Variants in SERTAD1 observed in about 807,000 individuals in gnomAD.
SERTAD1 encodes the protein SERTA domain-containing protein 1.
SERTAD1 carries 5 observed loss-of-function variants against 11.7 expected under a neutral mutation model. That is an observed-to-expected ratio of 0.43 (90% CI 0.22 to 0.90). The LOEUF (loss-of-function observed/expected upper bound fraction) is 0.90. Ranked by LOEUF, SERTAD1 falls within the 40% of genes least tolerant of loss-of-function variation. The probability of loss-of-function intolerance (pLI) is 0.27; values close to 1 mark genes in which losing one functional copy is unlikely to be tolerated. For missense variants in SERTAD1, 287 were observed against 313.9 expected (o/e 0.91, Z 0.65); for synonymous variants, 139 against 141.4 (o/e 0.98, Z 0.12).
chr19:40,422,735 C>T lies in SERTAD1; in HGVS notation c.*101G>A. 7.5e-7 allele frequency: 1 copy of T among 1,335,346 alleles called. No homozygotes were observed. Among genetic ancestry groups the T allele is most frequent in the Non-Finnish European group, 1.0e-6 (1 of 1,003,408 alleles). 82.7% of individuals were successfully genotyped at this position (1,335,346 alleles called of 1,614,324 possible). A position where few individuals can be genotyped will look rare whatever the true frequency, so the allele number is the denominator to read the frequency against. ...CTGTCTCTCCAAAGTGGCCCAAGCC[C>T]TGTTCTCTGTACTAGGGAAGCCAGC... On this transcript the variant is annotated 3_prime_UTR_variant, in exon 2 of 2. Coordinates refer to ENST00000357949, the MANE Select transcript of SERTAD1 (RefSeq NM_013376.4).
At chr19:40,424,355 C>T (rs573061060) in intron 1 of SERTAD1, among the ~76,000 whole-genome samples, 6 of 152,122 alleles carry the variant, frequency 3.9e-5, no homozygotes, top group African/African-American at 1.4e-4. Context: ...ATTATTTCTT[C>T]AGTGAACCAT....
At chr19:40,423,929 G>A (rs1017449081) in intron 1 of SERTAD1, among the ~76,000 whole-genome samples, 1 of 152,126 alleles carries the variant, frequency 6.6e-6, no homozygotes, top group Non-Finnish European at 1.5e-5. Flanking sequence ...GTTTCACCAT[G>A]TTGGCCAGGC....
chr19:40,422,835 C>T lies in SERTAD1; in HGVS notation c.*1G>A. ...CCAGACAACCATTCCAGCACGAGGG[C>T]TCAGCGCCCTGGCCCCGGCGGTCGC... is the stretch of plus-strand genomic sequence containing the variant. On this transcript the variant is annotated 3_prime_UTR_variant, in exon 2 of 2. Coordinates refer to ENST00000357949, the MANE Select transcript of SERTAD1 (RefSeq NM_013376.4). The T allele has an allele frequency of 6.3e-7, 1 of 1,592,532 alleles. No homozygotes were observed. The highest frequency in any genetic ancestry group is 8.6e-7 in the Non-Finnish European group (1 of 1,167,872).
In SERTAD1 at chr19:40,422,810, C is replaced by T. The variant is rs778221847; in HGVS notation, c.*26G>A. 3 of 1,561,782 alleles carry T rather than the reference C, an allele frequency of 1.9e-6. No individual in the cohort carries two copies. Among genetic ancestry groups the T allele is most frequent in the Admixed American group, 3.6e-5 (2 of 54,856 alleles). On this transcript the variant is annotated 3_prime_UTR_variant, in exon 2 of 2. Coordinates refer to ENST00000357949, the MANE Select transcript of SERTAD1 (RefSeq NM_013376.4). ...CCAGCCAGCAGGCTCAGTTCAGATACCAGACAACCATTCCAGCACGAGGGC... is the reference window on the plus strand; with the variant it reads ...CCAGCCAGCAGGCTCAGTTCAGATATCAGACAACCATTCCAGCACGAGGGC...
At position 40,423,392 on chromosome 19, in the gene SERTAD1, T is replaced by C; in HGVS notation, c.155A>G (p.Lys52Arg). 1 of 1,613,438 alleles carries C rather than the reference T, an allele frequency of 6.2e-7. No homozygotes were observed. Among genetic ancestry groups the C allele is most frequent in the Non-Finnish European group, 8.5e-7 (1 of 1,180,018 alleles). Reference protein sequence around the residue: ...SSSLFDLSVLKLHHSLQQSEP... With the variant: ...SSSLFDLSVLRLHHSLQQSEP... Reference sequence around the variant, plus strand: ...ACTCTGCTGCAGGCTGTGGTGGAGCTTGAGCACTGAGAGGTCAAAGAGGGA... The same window carrying C: ...ACTCTGCTGCAGGCTGTGGTGGAGCCTGAGCACTGAGAGGTCAAAGAGGGA... The change falls in exon 2 of 2, where the codon AAG becomes AGG. Residue 52 changes from lysine to arginine, a missense_variant. Lys to Arg is a conservative substitution (Grantham distance 26). Coordinates refer to ENST00000357949, the MANE Select transcript of SERTAD1 (RefSeq NM_013376.4).
intron 1 of SERTAD1, among the ~76,000 whole-genome samples, chr19:40,424,348 A>G (rs1477246686): frequency 6.6e-6 from 1 of 152,014 alleles, no homozygotes; most frequent in African/African-American, 2.4e-5. Flanking sequence ...TAACATTATT[A>G]TTTCTTCAGT....
chr19:40,425,960 GA>G lies in SERTAD1; in HGVS notation c.-95del, dbSNP rs1363863172. ...AGCATCGCTTGTTGGCTGTCCTCCG[GA>G]AACCCGCGCCTGGGTCGCGAGACGC... On this transcript the variant is annotated 5_prime_UTR_variant, in exon 1 of 2. Coordinates refer to ENST00000357949, the MANE Select transcript of SERTAD1 (RefSeq NM_013376.4). 5.9e-5 allele frequency: 9 copies of G among 152,266 alleles called. No individual in the cohort carries two copies. Among genetic ancestry groups the G allele is most frequent in the African/African-American group, 1.9e-4 (8 of 41,446 alleles). 9.4% of individuals were successfully genotyped at this position (152,266 alleles called of 1,614,324 possible).
intron 1 of SERTAD1, among the ~76,000 whole-genome samples, chr19:40,424,785 G>A (rs1309326662): frequency 6.6e-6 from 1 of 152,256 alleles, no homozygotes; most frequent in Admixed American, 6.5e-5. Context: ...GGCACACAGA[G>A]AGTGACATGG....
chr19:40,423,141 C>T lies in SERTAD1; in HGVS notation c.406G>A (p.Ala136Thr). Residue 136 changes from alanine to threonine, a missense_variant, in exon 2 of 2, where the codon GCA becomes ACA. Transcript: ENST00000357949. ...EGLSQAPQPL[A>T]DEGPPGRSIG... ...CTACGGCCTGGTGGCCCCTCGTCTG[C>T]CAAGGGTTGGGGAGCCTGACTCAGG... 1 of 1,603,840 alleles carries T rather than the reference C, an allele frequency of 6.2e-7. No homozygotes were observed. Among genetic ancestry groups the T allele is most frequent in the Non-Finnish European group, 8.5e-7 (1 of 1,175,644 alleles).
In SERTAD1 at chr19:40,425,958, C is replaced by CGG. The variant is rs1225462961; in HGVS notation, c.-94_-93dup. 1 of 152,268 alleles carries CGG rather than the reference C, an allele frequency of 6.6e-6. No homozygotes were observed. Among genetic ancestry groups the CGG allele is most frequent in the South Asian group, 2.1e-4 (1 of 4,836 alleles). 9.4% of individuals were successfully genotyped at this position (152,268 alleles called of 1,614,324 possible). A position where few individuals can be genotyped will look rare whatever the true frequency, so the allele number is the denominator to read the frequency against. On this transcript the variant is annotated 5_prime_UTR_variant, in exon 1 of 2. Coordinates refer to ENST00000357949, the MANE Select transcript of SERTAD1 (RefSeq NM_013376.4). ...GCAGCATCGCTTGTTGGCTGTCCTC[C>CGG]GGAAACCCGCGCCTGGGTCGCGAGA... is the stretch of plus-strand genomic sequence containing the variant.
Position 40,423,098 on chromosome 19 carries a change from G to A in SERTAD1, c.449C>T (p.Pro150Leu), listed in dbSNP as rs1480340713. The A allele has an allele frequency of 1.3e-6, 2 of 1,594,846 alleles. No individual in the cohort carries two copies. The highest frequency in any genetic ancestry group is 1.1e-5 in the South Asian group (1 of 88,256). ...PPGRSIGGAA[P>L]SLGALDLLGP... ...CAGCAGGTCCAAGGCACCCAGGCTG[G>A]GCGCTGCTCCCCCGATGCTACGGCC... The change falls in exon 2 of 2, where the codon CCC becomes CTC. Residue 150 changes from proline (P) to leucine (L), a missense_variant. Physicochemically the swap from Pro to Leu is moderately conservative, Grantham distance 98. Coordinates refer to ENST00000357949, the MANE Select transcript of SERTAD1 (RefSeq NM_013376.4).
chr19:40,423,130 C>T lies in SERTAD1; in HGVS notation c.417G>A (p.Gly139=). 6.2e-7 allele frequency: 1 copy of T among 1,602,038 alleles called. No individual in the cohort carries two copies. The highest frequency in any genetic ancestry group is 8.5e-7 in the Non-Finnish European group (1 of 1,174,902). ...SQAPQPLADE[G]PPGRSIGGAA... ...CTCCCCCGATGCTACGGCCTGGTGG[C>T]CCCTCGTCTGCCAAGGGTTGGGGAG... Residue 139 remains glycine, a synonymous_variant, in exon 2 of 2, where the codon GGG becomes GGA. Coordinates refer to ENST00000357949, the MANE Select transcript of SERTAD1 (RefSeq NM_013376.4).
At chr19:40,423,619 G>C in intron 1 of SERTAD1, 73 bp from the exon 2 acceptor site, 1 of 980,054 alleles carries the variant, frequency 1.0e-6, no homozygotes, top group Admixed American at 2.5e-5. Flanking sequence ...GCCTGGATCT[G>C]ACAGTTGCTG....
chr19:40,425,955 C>G lies in SERTAD1; in HGVS notation c.-89G>C, dbSNP rs1599674284. On this transcript the variant is annotated 5_prime_UTR_variant, in exon 1 of 2. Coordinates refer to ENST00000357949, the MANE Select transcript of SERTAD1 (RefSeq NM_013376.4). ...GCGGCAGCATCGCTTGTTGGCTGTC[C>G]TCCGGAAACCCGCGCCTGGGTCGCG... 1 of 152,306 alleles carries G rather than the reference C, an allele frequency of 6.6e-6. No homozygotes were observed. Among genetic ancestry groups the G allele is most frequent in the Admixed American group, 6.5e-5 (1 of 15,290 alleles). The allele number at this position is 152,306 out of a possible 1,614,324, so 9.4% of individuals were successfully genotyped here.
chr19:40,425,967 G>C lies in SERTAD1; in HGVS notation c.-101C>G, dbSNP rs1390315515. The stretch of plus-strand genomic sequence containing the variant: ...CTTGTTGGCTGTCCTCCGGAAACCC[G>C]CGCCTGGGTCGCGAGACGCAGTTCT... On this transcript the variant is annotated 5_prime_UTR_variant, in exon 1 of 2. Transcript: ENST00000357949. 6.6e-6 allele frequency: 1 copy of C among 152,246 alleles called. No homozygotes were observed. Among genetic ancestry groups the C allele is most frequent in the East Asian group, 1.9e-4 (1 of 5,178 alleles). 9.4% of individuals were successfully genotyped at this position (152,246 alleles called of 1,614,324 possible).
At position 40,422,405 on chromosome 19, in the gene SERTAD1, T is replaced by A. The variant is rs111706099; in HGVS notation, c.*431A>T. The stretch of plus-strand genomic sequence containing the variant: ...TAAATGAGTTAACACAGTGACGTGC[T>A]TAGAAACTGTGCCTCGTACACAGCC... On this transcript the variant is annotated 3_prime_UTR_variant, in exon 2 of 2. Transcript: ENST00000357949. 306 of 170,034 alleles carry A rather than the reference T, an allele frequency of 1.8e-3. No individual in the cohort carries two copies. Among genetic ancestry groups the A allele is most frequent in the African/African-American group, 6.9e-3 (292 of 42,224 alleles). The allele number at this position is 170,034 out of a possible 1,614,324, so 10.5% of individuals were successfully genotyped here. A position where few individuals can be genotyped will look rare whatever the true frequency, so the allele number is the denominator to read the frequency against.
Position 40,423,149 on chromosome 19 carries a change from TG to T in SERTAD1, c.397del (p.Gln133AsnfsTer149). ...TGGTGGCCCCTCGTCTGCCAAGGGT[TG>T]GGGAGCCTGACTCAGGCCCTCAATG... ...SHIEGLSQAP[Q>X]PLADEGPPGR... On this transcript the variant is annotated frameshift_variant, in exon 2 of 2. Transcript: ENST00000357949. LOFTEE classifies it high-confidence loss of function. 1 of 1,603,482 alleles carries T rather than the reference TG, an allele frequency of 6.2e-7. No individual in the cohort carries two copies. Among genetic ancestry groups the T allele is most frequent in the Non-Finnish European group, 8.5e-7 (1 of 1,175,120 alleles).
At chr19:40,425,541 C>G (rs898145841) in intron 1 of SERTAD1, among the ~76,000 whole-genome samples, 2 of 152,214 alleles carry the variant, frequency 1.3e-5, no homozygotes, top group African/African-American at 4.8e-5. Context: ...TGCCGGCCTC[C>G]CGGCGCCGTG....
intron 1 of SERTAD1, among the ~76,000 whole-genome samples, chr19:40,425,642 G>A (rs988507201): frequency 6.6e-6 from 1 of 152,156 alleles, no homozygotes; most frequent in Non-Finnish European, 1.5e-5. Context: ...GGCGGCGGCG[G>A]GGGCGGGTGA....
Sources: gnomAD v4.1 joint callset for allele counts (sites outside exome capture counted in the v4.1 genomes callset) on GRCh38, gnomAD v4.1.1 for gene constraint, MANE v1.5 for transcripts, NCBI Gene and HGNC (gene_info 2026-07-23, HGNC 2026-07-21) for gene names.